KAT6B: variants seen among roughly 807,000 people sequenced by gnomAD.
The protein encoded by KAT6B is lysine acetyltransferase 6B.
Under a neutral mutation model 187.5 loss-of-function variants are expected in KAT6B, and 10 were observed. The ratio of observed to expected loss-of-function variants is 0.05; its 90% CI spans 0.03 to 0.09. The LOEUF is 0.09. KAT6B is among the 10% of genes least tolerant of loss of function. The pLI, the probability that KAT6B is intolerant of heterozygous loss-of-function variation, is 1.00. For synonymous variants in KAT6B, 861 were observed against 926.8 expected (o/e 0.93, Z 1.29); for missense variants, 1,952 against 2,558.9 (o/e 0.76, Z 5.12).
chr10:74,908,321 G>C (rs567410605), intron 3 of KAT6B, among the ~76,000 whole-genome samples: 34 of 152,224 alleles, frequency 2.2e-4, no homozygotes, highest in Middle Eastern at 6.8e-3. Flanking sequence ...GCGGCACTTT[G>C]GGAGGCCGAG....
intron 3 of KAT6B, among the ~76,000 whole-genome samples, chr10:74,954,764 A>G (rs1479727570): frequency 6.6e-6 from 1 of 152,220 alleles, no homozygotes; most frequent in South Asian, 2.1e-4. Flanking sequence ...TTAAATGTCT[A>G]TTAATCTAGC....
intron 1 of KAT6B, among the ~76,000 whole-genome samples, chr10:74,827,538 G>C (rs974423032): frequency 2.1e-4 from 32 of 152,078 alleles, no homozygotes; most frequent in African/African-American, 7.5e-4. Context: ...TGGAAGGATG[G>C]GATGGTTGTG....
intron 3 of KAT6B, among the ~76,000 whole-genome samples, chr10:74,958,738 T>C (rs571561572): frequency 1.4e-4 from 21 of 152,198 alleles, no homozygotes; most frequent in African/African-American, 4.8e-4. Flanking sequence ...TGTTGTTTCT[T>C]ATATAAAGTG....
At chr10:74,941,311 G>C (rs2133289657) in intron 3 of KAT6B, among the ~76,000 whole-genome samples, 1 of 152,294 alleles carries the variant, frequency 6.6e-6, no homozygotes, top group African/African-American at 2.4e-5. Context: ...TAATGGTAAT[G>C]ACAGAGATGA....
upstream of KAT6B, chr10:74,825,804 G>C (rs1365135089): frequency 1.3e-5 from 2 of 152,548 alleles, no homozygotes; most frequent in Non-Finnish European, 1.5e-5. This position sits in a 1 kb window ranked among gnomAD's most constrained non-coding sequence, Gnocchi z 5.0. Context: ...ATGGGATGGC[G>C]AGGAGGCTGC....
At chr10:74,874,244 C>G (rs1844226740) in intron 3 of KAT6B, among the ~76,000 whole-genome samples, 1 of 152,160 alleles carries the variant, frequency 6.6e-6, no homozygotes, top group South Asian at 2.1e-4. Context: ...CTGTAGTCCC[C>G]ATGGGAATAA....
intron 1 of KAT6B, among the ~76,000 whole-genome samples, chr10:74,836,641 C>T (rs765622544): frequency 5.3e-5 from 8 of 152,258 alleles, no homozygotes; most frequent in Middle Eastern, 3.4e-3. Context: ...ATATGGATGG[C>T]GTTTCATGTT....
chr10:74,974,510 G>A (rs1477703162), intron 7 of KAT6B, among the ~76,000 whole-genome samples: 2 of 152,110 alleles, frequency 1.3e-5, no homozygotes, highest in African/African-American at 4.8e-5. Context: ...CTACAAAATG[G>A]GTAGCTTCGC....
intron 1 of KAT6B, among the ~76,000 whole-genome samples, chr10:74,835,577 CAGAA>C (rs1181118229): frequency 1.3e-5 from 2 of 152,170 alleles, no homozygotes; most frequent in South Asian, 2.1e-4. Context: ...TCTGGAGAGA[CAGAA>C]AGAGTTTGGG....
intron 3 of KAT6B, among the ~76,000 whole-genome samples, chr10:74,946,991 T>C (rs1839994927): frequency 6.6e-6 from 1 of 151,992 alleles, no homozygotes; most frequent in African/African-American, 2.4e-5. Context: ...AAAAAAAAAC[T>C]GTTTGTTTGT....
Position 74,928,717 on chromosome 10 carries a change from T to C in KAT6B, c.622-31253T>C, listed in dbSNP as rs549426194. Among the ~76,000 whole-genome samples, 9 of 152,296 alleles carry C rather than the reference T, an allele frequency of 5.9e-5. 2 individuals are homozygous for C. Among genetic ancestry groups the C allele is most frequent in the African/African-American group, 2.2e-4 (9 of 41,562 alleles). Reference sequence around the variant, plus strand: ...CGTAGTTTTTAAGACTTTAAAGGTTTTATAACCCTTTTCTTGAAAAATTAA... The same window carrying C: ...CGTAGTTTTTAAGACTTTAAAGGTTCTATAACCCTTTTCTTGAAAAATTAA... On this transcript the variant is annotated intron_variant, in intron 3 of 17. Transcript: ENST00000287239.
chr10:74,964,900 T>C (rs1236997465), intron 4 of KAT6B, among the ~76,000 whole-genome samples: 2 of 152,230 alleles, frequency 1.3e-5, no homozygotes, highest in Admixed American at 6.5e-5. Flanking sequence ...GTATCTTGAA[T>C]GCTAAATTTA....
chr10:74,885,992 A>T (rs1369816900), intron 3 of KAT6B, among the ~76,000 whole-genome samples: 1 of 152,104 alleles, frequency 6.6e-6, no homozygotes, highest in Admixed American at 6.5e-5. Context: ...TGGCCTCCCA[A>T]TGTCCTGGGA....
chr10:74,850,926 T>C (rs1215377858), intron 3 of KAT6B, among the ~76,000 whole-genome samples: 1 of 152,216 alleles, frequency 6.6e-6, no homozygotes, highest in Non-Finnish European at 1.5e-5. Flanking sequence ...GTGTAGTACA[T>C]AATGTGGGAA....
At chr10:74,828,406 AGTT>A (rs1840438492) in intron 1 of KAT6B, among the ~76,000 whole-genome samples, 1 of 151,688 alleles carries the variant, frequency 6.6e-6, no homozygotes, top group African/African-American at 2.4e-5. Flanking sequence ...AATGGAAATT[AGTT>A]GTGTTCGAAC....
At chr10:74,924,732 T>C (rs1380228608) in intron 3 of KAT6B, among the ~76,000 whole-genome samples, 3 of 152,232 alleles carry the variant, frequency 2.0e-5, no homozygotes, top group African/African-American at 7.2e-5. Context: ...TACTTCCTAC[T>C]ATGCTGATTG....
intron 3 of KAT6B, among the ~76,000 whole-genome samples, chr10:74,896,229 C>G (rs1479922419): frequency 6.6e-6 from 1 of 152,080 alleles, no homozygotes; most frequent in Non-Finnish European, 1.5e-5. Flanking sequence ...CTTTTTATTC[C>G]TCTTTGTCAT....
intron 3 of KAT6B, among the ~76,000 whole-genome samples, chr10:74,944,341 T>C (rs973791520): frequency 6.6e-6 from 1 of 152,234 alleles, no homozygotes; most frequent in Non-Finnish European, 1.5e-5. Context: ...GAGTGATAGC[T>C]GAATACTGAT....
At chr10:75,015,678 G>A (rs184471115) in intron 13 of KAT6B, among the ~76,000 whole-genome samples, 1 of 152,334 alleles carries the variant, frequency 6.6e-6, no homozygotes, top group East Asian at 1.9e-4. Context: ...TCCCAGGCTT[G>A]CAAACCCAGT....
Sources: gnomAD v4.1 joint callset for allele counts (sites outside exome capture counted in the v4.1 genomes callset) on GRCh38, gnomAD v4.1.1 for gene constraint, Gnocchi (gnomAD v3.1) non-coding constraint, MANE v1.5 for transcripts, NCBI Gene and HGNC (gene_info 2026-07-23, HGNC 2026-07-21) for gene names.